Variants in BFSP2 observed in about 807,000 individuals in gnomAD.
BFSP2 encodes phakinin.
Under a neutral mutation model 44.9 loss-of-function variants are expected in BFSP2, and 38 were observed. That is an observed-to-expected ratio of 0.85 (90% confidence interval 0.65 to 1.11). The LOEUF is 1.11. Among genes scored for constraint, BFSP2 ranks in the 50% least tolerant of loss-of-function variants. The pLI is 0.00. For missense variants in BFSP2, 525 were observed against 533.0 expected (o/e 0.99, Z 0.15); for synonymous variants, 197 against 209.9 (o/e 0.94, Z 0.53).
At chr3:133,407,556 G>A (rs980833949) in intron 1 of BFSP2, among the ~76,000 whole-genome samples, 11 of 152,068 alleles carry the variant, frequency 7.2e-5, no homozygotes, top group Non-Finnish European at 1.5e-5. Flanking sequence ...GACAAGAATG[G>A]CCAGGAAAGA....
In BFSP2 at chr3:133,400,668, C is replaced by T. The variant is rs555303536; in HGVS notation, c.489+96C>T. 18 of 1,514,850 alleles carry T rather than the reference C, an allele frequency of 1.2e-5. No homozygotes were observed. The African/African-American group carries it at 2.3e-4, about 20-fold the overall frequency. 93.8% of individuals were successfully genotyped at this position (1,514,850 alleles called of 1,614,324 possible). A position where few individuals can be genotyped will look rare whatever the true frequency, so the allele number is the denominator to read the frequency against. ...TGTGAGTAGGCTGAGGCCAGAGAAACTGACCATAATCCCCTACACTTTCAC... is the reference window on the plus strand; with the variant it reads ...TGTGAGTAGGCTGAGGCCAGAGAAATTGACCATAATCCCCTACACTTTCAC... On this transcript the variant is annotated intron_variant, in intron 1 of 6. Transcript: ENST00000302334. The surrounding 1 kb of genome is among the most constrained non-coding windows in gnomAD (Gnocchi z 4.0).
chr3:133,432,025 TC>T (rs1485103373), intron 1 of BFSP2, among the ~76,000 whole-genome samples: 1 of 151,926 alleles, frequency 6.6e-6, no homozygotes, highest in Non-Finnish European at 1.5e-5. Flanking sequence ...ATGGAACATC[TC>T]TACTCCTTCC....
In BFSP2 at chr3:133,400,609, G is replaced by C. The variant is rs777149830; in HGVS notation, c.489+37G>C. The C allele has an allele frequency of 4.9e-5, 77 of 1,561,600 alleles. No individual in the cohort carries two copies. The highest frequency in any genetic ancestry group is 6.4e-5 in the Non-Finnish European group (74 of 1,153,728). On this transcript the variant is annotated intron_variant, in intron 1 of 6. Coordinates refer to ENST00000302334, the MANE Select transcript of BFSP2 (RefSeq NM_003571.4). The surrounding 1 kb of genome is among the most constrained non-coding windows in gnomAD (Gnocchi z 4.0). Reference sequence around the variant, plus strand: ...GGCTGTGCCAAGGGCTTTGCAGAGGGCTGGGAGGGGCTGCTGAAGGCAGCG... The same window carrying C: ...GGCTGTGCCAAGGGCTTTGCAGAGGCCTGGGAGGGGCTGCTGAAGGCAGCG...
At chr3:133,419,294 G>C (rs770158573) in intron 1 of BFSP2, among the ~76,000 whole-genome samples, 56 of 152,182 alleles carry the variant, frequency 3.7e-4, no homozygotes, top group Non-Finnish European at 6.8e-4. Flanking sequence ...CAGGAATTTG[G>C]GGGAGGAAGG....
chr3:133,466,632 A>T (rs2107940451), intron 4 of BFSP2, among the ~76,000 whole-genome samples, 196 bp from the exon 5 acceptor site: 1 of 128,486 alleles, frequency 7.8e-6, no homozygotes, highest in Non-Finnish European at 1.6e-5. Context: ...CTGAGATCGC[A>T]CCACTGCACT....
chr3:133,474,270 G>T (rs1335374430), intron 6 of BFSP2, among the ~76,000 whole-genome samples: 1 of 152,160 alleles, frequency 6.6e-6, no homozygotes, highest in African/African-American at 2.4e-5. Flanking sequence ...CTTAGTGATT[G>T]TATCATCCAA....
intron 1 of BFSP2, among the ~76,000 whole-genome samples, chr3:133,443,256 T>C (rs1057217704): frequency 4.6e-5 from 7 of 152,096 alleles, no homozygotes; most frequent in Non-Finnish European, 7.4e-5. Flanking sequence ...TATGCAAGTG[T>C]GGAGCTGAGC....
At position 133,400,401 on chromosome 3, in the gene BFSP2, T is replaced by C. The variant is rs2073352622; in HGVS notation, c.318T>C (p.Gly106=). 1.9e-6 allele frequency: 3 copies of C among 1,613,936 alleles called. No individual in the cohort carries two copies. In the African/African-American group the frequency reaches 4.0e-5, roughly 22 times the overall value. Residue 106 remains glycine, a synonymous_variant, in exon 1 of 7, where the codon GGT becomes GGC. Coordinates refer to ENST00000302334, the MANE Select transcript of BFSP2 (RefSeq NM_003571.4). This position sits in a 1 kb window ranked among gnomAD's most constrained non-coding sequence, Gnocchi z 4.0. ...VPAPGLERDH[G]AVEDLGGCLV... ...CTCCAGGTTTGGAGAGGGACCATGGTGCTGTTGAGGACCTAGGGGGCTGCC... is the reference window on the plus strand; with the variant it reads ...CTCCAGGTTTGGAGAGGGACCATGGCGCTGTTGAGGACCTAGGGGGCTGCC...
At chr3:133,454,968 C>A (rs748004306) in intron 4 of BFSP2, among the ~76,000 whole-genome samples, 1 of 152,172 alleles carries the variant, frequency 6.6e-6, no homozygotes, top group African/African-American at 2.4e-5. Flanking sequence ...GGGTCAGGAT[C>A]GTCAATATCA....
At chr3:133,450,912 C>T (rs1201443085) in intron 4 of BFSP2, among the ~76,000 whole-genome samples, 2 of 152,046 alleles carry the variant, frequency 1.3e-5, no homozygotes, top group Non-Finnish European at 2.9e-5. Flanking sequence ...GAGATCGATA[C>T]CATCCTGGCT....
intron 1 of BFSP2, among the ~76,000 whole-genome samples, chr3:133,431,619 A>G (rs970363032): frequency 1.3e-5 from 2 of 152,184 alleles, no homozygotes; most frequent in African/African-American, 4.8e-5. Context: ...TCGCCTCAGA[A>G]GCCCCGCAGA....
intron 1 of BFSP2, among the ~76,000 whole-genome samples, chr3:133,433,438 G>A (rs977061803): frequency 8.5e-5 from 13 of 152,072 alleles, no homozygotes; most frequent in Admixed American, 4.6e-4. Context: ...TACTCATCAG[G>A]GATTATTCAG....
At position 133,472,336 on chromosome 3, in the gene BFSP2, C is replaced by G; in HGVS notation, c.1024-9C>G. The G allele has an allele frequency of 5.6e-6, 9 of 1,608,522 alleles. No homozygotes were observed. Among genetic ancestry groups the G allele is most frequent in the Non-Finnish European group, 7.6e-6 (9 of 1,179,522 alleles). ...TCCTCGGGTTTGGACCGGGTTCGCT[C>G]TTTTGTAGAAACGAGGCCTGGAGAA... On this transcript the variant is annotated splice_polypyrimidine_tract_variant and intron_variant, in intron 5 of 6. Coordinates refer to ENST00000302334, the MANE Select transcript of BFSP2 (RefSeq NM_003571.4).
At chr3:133,450,561 G>A (rs1008598768) in intron 4 of BFSP2, 97 bp downstream of exon 4, 34 of 1,424,954 alleles carry the variant, frequency 2.4e-5, no homozygotes, top group African/African-American at 1.1e-4. Context: ...AAATAACAAC[G>A]GTTTAGTAAC....
chr3:133,464,436 G>A (rs567578789), intron 4 of BFSP2, among the ~76,000 whole-genome samples: 1 of 152,176 alleles, frequency 6.6e-6, no homozygotes, highest in Non-Finnish European at 1.5e-5. Flanking sequence ...GGGTTGTAAA[G>A]ATTAAATTAG....
In BFSP2 at chr3:133,459,723, C is replaced by T. The variant is rs567986330; in HGVS notation, c.892-7105C>T. Reference sequence around the variant, plus strand: ...CCAGCCTTCTCCCAAATAAATCCTACATCTGGCTGAGGAAGGTCGGGAGTG... The same window carrying T: ...CCAGCCTTCTCCCAAATAAATCCTATATCTGGCTGAGGAAGGTCGGGAGTG... On this transcript the variant is annotated intron_variant, in intron 4 of 6. Coordinates refer to ENST00000302334, the MANE Select transcript of BFSP2 (RefSeq NM_003571.4). Among the ~76,000 whole-genome samples the T allele has an allele frequency of 3.5e-3, 533 of 152,346 alleles. 2 individuals carry two copies. Among genetic ancestry groups the T allele is most frequent in the South Asian group, 0.018 (87 of 4,834 alleles).
At chr3:133,459,202 G>A (rs1173684864) in intron 4 of BFSP2, among the ~76,000 whole-genome samples, 3 of 152,046 alleles carry the variant, frequency 2.0e-5, no homozygotes, top group Admixed American at 6.6e-5. Context: ...TAATTGGTCA[G>A]GTGTAGAAGC....
intron 5 of BFSP2, among the ~76,000 whole-genome samples, chr3:133,468,811 G>A (rs968392785): frequency 2.0e-5 from 3 of 152,206 alleles, no homozygotes; most frequent in South Asian, 2.1e-4. Flanking sequence ...TTGAGAAAGC[G>A]ATTGTGGAGT....
chr3:133,411,625 A>G (rs17365742), intron 1 of BFSP2, among the ~76,000 whole-genome samples: 22,945 of 152,206 alleles, frequency 0.15, 2,131 homozygotes, highest in Admixed American at 0.22. Flanking sequence ...TTAATTCTAT[A>G]GTAAGCTCTA....
Sources: allele counts gnomAD v4.1 joint callset (sites outside exome capture counted in the v4.1 genomes callset), GRCh38; gene constraint gnomAD v4.1.1; non-coding constraint Gnocchi (gnomAD v3.1); transcripts MANE v1.5; gene names NCBI Gene and HGNC (gene_info 2026-07-23, HGNC 2026-07-21).